Variants in FGFR2 observed in about 807,000 individuals in gnomAD.
The protein encoded by FGFR2 is BEK fibroblast growth factor receptor.
Under a neutral mutation model 95.9 loss-of-function variants are expected in FGFR2, and 19 were observed. That is an observed-to-expected ratio of 0.20 (90% CI 0.14 to 0.29). The LOEUF (loss-of-function observed/expected upper bound fraction) is 0.29, where lower values mean the gene tolerates loss of function less well. FGFR2 is among the 10% of genes least tolerant of loss of function. The probability of loss-of-function intolerance (pLI) is 1.00; values close to 1 mark genes in which losing one functional copy is unlikely to be tolerated. For synonymous variants in FGFR2, 392 were observed against 393.3 expected, an observed-to-expected ratio of 1.00 and a Z score of 0.04; for missense variants, 707 against 1,056.9, an observed-to-expected ratio of 0.67 and a Z score of 4.59.
intron 6 of FGFR2, among the ~76,000 whole-genome samples, chr10:121,520,851 T>C (rs2981446): frequency 0.9 from 136,414 of 152,082 alleles, 63,031 homozygotes; most frequent in East Asian, 1. Flanking sequence ...TCATGTTGCC[T>C]GGGCTGGTCT....
rs942179567 is a variant in FGFR2, at chr10:121,572,363, G to A, written c.110-6659C>T. ...AGCCCAGGCACAGTGGCTCATGCCT[G>A]TAATTTCAGCACTTTGGGAGACCAA... On this transcript the variant is annotated intron_variant, in intron 2 of 17. Coordinates refer to ENST00000358487, the MANE Select transcript of FGFR2 (RefSeq NM_000141.5). 2.0e-5 allele frequency among the ~76,000 whole-genome samples: 3 copies of A among 152,024 alleles called. No homozygotes were observed. In the South Asian group the frequency reaches 6.2e-4, roughly 32 times the overall value.
rs1554859066 is a variant in FGFR2, at chr10:121,577,185, A to AGAGAGAGAGAGAGG, written c.110-11482_110-11481insCCTCTCTCTCTCTC. Among the ~76,000 whole-genome samples the AGAGAGAGAGAGAGG allele has an allele frequency of 3.4e-4, 39 of 114,838 alleles. 1 individual carries two copies. Among genetic ancestry groups the AGAGAGAGAGAGAGG allele is most frequent in the African/African-American group, 1.4e-3 (38 of 27,494 alleles). The allele number at this position is 114,838 out of a possible 152,430, so 75.3% of individuals were successfully genotyped here. A position where few individuals can be genotyped will look rare whatever the true frequency, so the allele number is the denominator to read the frequency against. ...TATATATATATATATATATAGAGAG[A>AGAGAGAGAGAGAGG]GAGAGAGAGAGAGAGAGAGAGACAC... On this transcript the variant is annotated intron_variant, in intron 2 of 17. Transcript: ENST00000358487.
intron 5 of FGFR2, among the ~76,000 whole-genome samples, chr10:121,547,097 A>ACG (rs1418852722): frequency 3.3e-5 from 5 of 152,080 alleles, no homozygotes; most frequent in Admixed American, 3.3e-4. Context: ...GGTGGCGGGC[A>ACG]CCTGTAATCC....
chr10:121,538,294 A>T, intron 6 of FGFR2: 1 of 769,644 alleles, frequency 1.3e-6, no homozygotes, highest in Non-Finnish European at 2.4e-6. Context: ...CTGCCCAATT[A>T]ACATTTTCAG....
chr10:121,578,820 G>C (rs45631613), intron 2 of FGFR2, among the ~76,000 whole-genome samples: 55 of 152,368 alleles, frequency 3.6e-4, no homozygotes, highest in Non-Finnish European at 7.5e-4. Context: ...TGAGGCAAGA[G>C]AATCACTTGA....
At chr10:121,552,683 G>A (rs938651205) in intron 4 of FGFR2, among the ~76,000 whole-genome samples, 2 of 152,178 alleles carry the variant, frequency 1.3e-5, no homozygotes, top group East Asian at 1.9e-4. Flanking sequence ...CTGGGTCAAG[G>A]CACACGTCCT....
Position 121,524,146 on chromosome 10 carries a change from A to ACACCCCCCC in FGFR2, c.749-3978_749-3977insGGGGGGGTG, listed in dbSNP as rs142755962. Among the ~76,000 whole-genome samples, 156 of 136,892 alleles carry ACACCCCCCC rather than the reference A, an allele frequency of 1.1e-3. 1 individual carries two copies. The highest frequency in any genetic ancestry group is 2.0e-3 in the Non-Finnish European group (132 of 64,560). 89.8% of individuals were successfully genotyped at this position (136,892 alleles called of 152,430 possible). A position where few individuals can be genotyped will look rare whatever the true frequency, so the allele number is the denominator to read the frequency against. ...CACACACACACACACACACACACAC[A>ACACCCCCCC]CCCCAAGTTTGCAATGGTTTAATGT... On this transcript the variant is annotated intron_variant, in intron 6 of 17. Coordinates refer to ENST00000358487, the MANE Select transcript of FGFR2 (RefSeq NM_000141.5).
chr10:121,493,370 C>G (rs1846380185), intron 13 of FGFR2, among the ~76,000 whole-genome samples: 1 of 152,278 alleles, frequency 6.6e-6, no homozygotes, highest in Admixed American at 6.5e-5. Context: ...AGCTCCAAAA[C>G]AGGAAGGAGC....
intron 16 of FGFR2, among the ~76,000 whole-genome samples, chr10:121,484,404 A>G (rs2133779683): frequency 6.6e-6 from 1 of 152,310 alleles, no homozygotes; most frequent in East Asian, 1.9e-4. Flanking sequence ...TTGGGTTTCG[A>G]CAGATCCTCT....
At chr10:121,549,243 A>G (rs1589948305) in intron 5 of FGFR2, among the ~76,000 whole-genome samples, 1 of 152,320 alleles carries the variant, frequency 6.6e-6, no homozygotes, top group East Asian at 1.9e-4. Context: ...TTAAAGATGA[A>G]TAACTGTCTA....
intron 4 of FGFR2, among the ~76,000 whole-genome samples, chr10:121,561,752 C>A (rs1055873877): frequency 2.0e-5 from 3 of 152,106 alleles, no homozygotes; most frequent in African/African-American, 7.2e-5. Flanking sequence ...AATGAAAAGG[C>A]AAGCCACAGG....
chr10:121,482,300 T>C (rs1844866695), intron 17 of FGFR2: 2 of 788,002 alleles, frequency 2.5e-6, no homozygotes, highest in East Asian at 5.5e-5. Flanking sequence ...AACCGTTCCT[T>C]TCCTTTCAAC....
At chr10:121,552,371 C>A (rs1855532157) in intron 4 of FGFR2, among the ~76,000 whole-genome samples, 1 of 152,212 alleles carries the variant, frequency 6.6e-6, no homozygotes, top group African/African-American at 2.4e-5. Flanking sequence ...CTTTGCCAAG[C>A]ACTGCTCAAA....
intron 6 of FGFR2, among the ~76,000 whole-genome samples, chr10:121,524,146 A>ACACACACACACACACACACCCCC (rs142755962): frequency 7.3e-6 from 1 of 136,890 alleles, no homozygotes; most frequent in Non-Finnish European, 1.5e-5. Flanking sequence ...ACACACACAC[A>ACACACACACACACACACACCCCC]CCCCAAGTTT....
At chr10:121,590,684 C>T (rs1862500501) in intron 2 of FGFR2, among the ~76,000 whole-genome samples, 2 of 152,092 alleles carry the variant, frequency 1.3e-5, no homozygotes, top group South Asian at 2.1e-4. Context: ...TGATATGATA[C>T]GATATTGCAC....
intron 13 of FGFR2, among the ~76,000 whole-genome samples, chr10:121,491,129 C>T (rs577725643): frequency 3.3e-5 from 5 of 152,296 alleles, no homozygotes; most frequent in Admixed American, 1.3e-4. Flanking sequence ...TCCAACTATG[C>T]ATTAGGGCTC....
At chr10:121,580,186 A>G (rs1425313760) in intron 2 of FGFR2, among the ~76,000 whole-genome samples, 1 of 152,214 alleles carries the variant, frequency 6.6e-6, no homozygotes, top group African/African-American at 2.4e-5. Context: ...GTTAAGAGTT[A>G]TTCCAGGAGG....
chr10:121,500,990 G>A (rs2134015138), intron 10 of FGFR2, 43 bp from the exon 11 acceptor site: 2 of 1,610,820 alleles, frequency 1.2e-6, no homozygotes, highest in Non-Finnish European at 1.7e-6. Flanking sequence ...ATCTGGTGAT[G>A]GGGTGTAGTG....
chr10:121,497,402 A>G (rs756420100), intron 12 of FGFR2, among the ~76,000 whole-genome samples: 1 of 152,268 alleles, frequency 6.6e-6, no homozygotes, highest in East Asian at 1.9e-4. Flanking sequence ...AATCACATAA[A>G]TGAATAATAA....
Sources: gnomAD v4.1 joint callset for allele counts (sites outside exome capture counted in the v4.1 genomes callset) on GRCh38, gnomAD v4.1.1 for gene constraint, MANE v1.5 for transcripts, NCBI Gene and HGNC (gene_info 2026-07-23, HGNC 2026-07-21) for gene names.